MYO3B: variants seen among roughly 807,000 people sequenced by gnomAD.
The protein encoded by MYO3B is myosin-IIIb.
In MYO3B, 156 loss-of-function variants were observed where a neutral mutation model predicts 174.6. The observed-to-expected ratio is 0.89, with a 90% CI of 0.78 to 1.02. The LOEUF is 1.02. MYO3B is among the 50% of genes least tolerant of loss of function. MYO3B has a pLI of 0.00. For missense variants in MYO3B, 1,632 were observed against 1,639.4 expected (o/e 1.00, Z 0.08); for synonymous variants, 563 against 569.1 (o/e 0.99, Z 0.15).
At chr2:170,191,454 C>A (rs76282335) in intron 1 of MYO3B, among the ~76,000 whole-genome samples, 17 of 152,150 alleles carry the variant, frequency 1.1e-4, no homozygotes, top group African/African-American at 4.1e-4. Flanking sequence ...TTCTTTAGAA[C>A]CCCAGAGCAA....
intron 7 of MYO3B, among the ~76,000 whole-genome samples, chr2:170,304,445 A>AT (rs909490120): frequency 3.5e-5 from 5 of 142,130 alleles, no homozygotes; most frequent in Admixed American, 7.0e-5. Context: ...TTTTCACTTT[A>AT]TTTTTTTTTC....
intron 1 of MYO3B, among the ~76,000 whole-genome samples, chr2:170,194,872 A>C (rs896739266): frequency 1.3e-5 from 2 of 152,152 alleles, no homozygotes; most frequent in African/African-American, 4.8e-5. Context: ...GTCCCTGGCA[A>C]ACCACTGGTC....
chr2:170,570,749 C>T (rs1200989401), intron 32 of MYO3B, among the ~76,000 whole-genome samples: 1 of 150,506 alleles, frequency 6.6e-6, no homozygotes, highest in Non-Finnish European at 1.5e-5. Flanking sequence ...GTTATTCTGG[C>T]CTTGTTTTTG....
intron 7 of MYO3B, 109 bp downstream of exon 7, chr2:170,236,245 G>T: frequency 7.7e-5 from 91 of 1,185,466 alleles, no homozygotes; most frequent in Middle Eastern, 2.1e-4. Context: ...GACAAAGCCT[G>T]ATTGTGAAAT....
chr2:170,588,267 A>G (rs1317265814), intron 32 of MYO3B, among the ~76,000 whole-genome samples: 3 of 152,004 alleles, frequency 2.0e-5, no homozygotes, highest in African/African-American at 7.2e-5. Flanking sequence ...CTTCATCTCT[A>G]TACAAAAAAA....
chr2:170,314,104 G>C (rs1460978726), intron 7 of MYO3B, among the ~76,000 whole-genome samples: 1 of 152,124 alleles, frequency 6.6e-6, no homozygotes, highest in African/African-American at 2.4e-5. Context: ...CATCCTGCTG[G>C]CCTTCTATTC....
intron 23 of MYO3B, among the ~76,000 whole-genome samples, chr2:170,460,358 T>G (rs553976034): frequency 2.0e-5 from 3 of 151,852 alleles, no homozygotes; most frequent in East Asian, 1.9e-4. Flanking sequence ...CGTGGTGGTG[T>G]GCAGCTGTAA....
intron 7 of MYO3B, among the ~76,000 whole-genome samples, chr2:170,332,857 A>G (rs114048766): frequency 7.7e-4 from 118 of 152,312 alleles, no homozygotes; most frequent in African/African-American, 2.7e-3. Flanking sequence ...ATTGTTCTCT[A>G]TACTAAAGTG....
intron 7 of MYO3B, among the ~76,000 whole-genome samples, chr2:170,300,329 T>TATGC (rs1433992192): frequency 6.6e-6 from 1 of 152,224 alleles, no homozygotes; most frequent in Non-Finnish European, 1.5e-5. Context: ...TGCAAGTTCA[T>TATGC]ATGCTTGTGT....
At chr2:170,263,878 G>A (rs1559344467) in intron 7 of MYO3B, among the ~76,000 whole-genome samples, 1 of 152,262 alleles carries the variant, frequency 6.6e-6, no homozygotes, top group African/African-American at 2.4e-5. Flanking sequence ...CGGGCTGGGG[G>A]ACGGTCAGGT....
At chr2:170,359,663 C>A (rs16858214) in intron 8 of MYO3B, among the ~76,000 whole-genome samples, 1 of 152,182 alleles carries the variant, frequency 6.6e-6, no homozygotes, top group Admixed American at 6.5e-5. Context: ...CTGTACCCTC[C>A]GCTTGGAATG....
chr2:170,606,010 T>C (rs1694785306), intron 32 of MYO3B, among the ~76,000 whole-genome samples: 1 of 152,096 alleles, frequency 6.6e-6, no homozygotes, highest in African/African-American at 2.4e-5. Flanking sequence ...TTTGTCCATT[T>C]CTCTTCCTCT....
intron 7 of MYO3B, among the ~76,000 whole-genome samples, chr2:170,246,529 G>GACACAC (rs58936698): frequency 0.064 from 8,975 of 140,142 alleles, 323 homozygotes; most frequent in Middle Eastern, 0.072. Context: ...TTTGGACATG[G>GACACAC]ACACACACAC....
intron 22 of MYO3B, 100 bp downstream of exon 22, chr2:170,407,944 A>T (rs527368399): frequency 7.2e-7 from 1 of 1,390,306 alleles, no homozygotes; most frequent in Admixed American, 2.0e-5. Flanking sequence ...TGCACCGCTA[A>T]CATTGAACTT....
chr2:170,644,216 A>C (rs1419242990), intron 32 of MYO3B, among the ~76,000 whole-genome samples: 1 of 152,176 alleles, frequency 6.6e-6, no homozygotes, highest in Admixed American at 6.5e-5. Context: ...TATGTCTTAA[A>C]TATTTCATGG....
At chr2:170,298,091 G>A (rs1404924915) in intron 7 of MYO3B, among the ~76,000 whole-genome samples, 3 of 151,772 alleles carry the variant, frequency 2.0e-5, no homozygotes, top group Non-Finnish European at 1.5e-5. Flanking sequence ...AATATTCCAG[G>A]GCCTGTTCTC....
chr2:170,548,232 G>T (rs1356793096), intron 32 of MYO3B, among the ~76,000 whole-genome samples: 2 of 151,872 alleles, frequency 1.3e-5, no homozygotes, highest in African/African-American at 4.8e-5. Flanking sequence ...CATGATAAAG[G>T]CCTGGAGGAG....
intron 32 of MYO3B, among the ~76,000 whole-genome samples, chr2:170,565,318 T>G (rs1183289142): frequency 6.6e-6 from 1 of 152,320 alleles, no homozygotes; most frequent in East Asian, 1.9e-4. Context: ...TTGTACGTAA[T>G]TGGATTAAGC....
At chr2:170,179,453 G>A (rs535731654) in intron 1 of MYO3B, among the ~76,000 whole-genome samples, 2 of 152,332 alleles carry the variant, frequency 1.3e-5, no homozygotes, top group Middle Eastern at 6.8e-3. Flanking sequence ...TTGCCATTGT[G>A]AGAAGAAATG....
Sources: gnomAD v4.1 joint callset for allele counts (sites outside exome capture counted in the v4.1 genomes callset) on GRCh38, gnomAD v4.1.1 for gene constraint, MANE v1.5 for transcripts, NCBI Gene and HGNC (gene_info 2026-07-23, HGNC 2026-07-21) for gene names.